Variants in PDE1B observed in about 807,000 individuals in gnomAD.
The protein encoded by PDE1B is dual specificity calcium/calmodulin-dependent 3',5'-cyclic nucleotide phosphodiesterase 1B.
In PDE1B, 13 loss-of-function variants were observed where a neutral mutation model predicts 66.7. That is an observed-to-expected ratio of 0.19 (90% CI 0.13 to 0.31). The LOEUF (loss-of-function observed/expected upper bound fraction) is 0.31, where lower values mean the gene tolerates loss of function less well. PDE1B is among the 10% of genes least tolerant of loss of function. The pLI, the probability that PDE1B is intolerant of heterozygous loss-of-function variation, is 1.00. For synonymous variants in PDE1B, 230 were observed against 253.9 expected (o/e 0.91, Z 0.90); for missense variants, 485 against 682.3 (o/e 0.71, Z 3.22).
At chr12:54,557,026 A>G (rs1051572712) in intron 2 of PDE1B, among the ~76,000 whole-genome samples, 1 of 151,986 alleles carries the variant, frequency 6.6e-6, no homozygotes, top group African/African-American at 2.4e-5. Flanking sequence ...GCTTGGCACC[A>G]TGTCCCTAGT....
At chr12:54,555,959 G>T (rs1380365725) in intron 2 of PDE1B, among the ~76,000 whole-genome samples, 1 of 152,130 alleles carries the variant, frequency 6.6e-6, no homozygotes, top group Non-Finnish European at 1.5e-5. Flanking sequence ...AGGGGTTGCT[G>T]TGGTGATGGT....
intron 2 of PDE1B, among the ~76,000 whole-genome samples, chr12:54,557,551 C>A (rs1317055084): frequency 6.6e-6 from 1 of 152,212 alleles, no homozygotes; most frequent in African/African-American, 2.4e-5. Flanking sequence ...AGAGGAGGAA[C>A]AGATCCCCAG....
chr12:54,550,630 C>A (rs1363684178), intron 2 of PDE1B, among the ~76,000 whole-genome samples: 1 of 151,862 alleles, frequency 6.6e-6, no homozygotes, highest in Non-Finnish European at 1.5e-5. Context: ...GGAGCCCCCA[C>A]CTGGAAGCTG....
At position 54,575,212 on chromosome 12, in the gene PDE1B, C is replaced by T; in HGVS notation, c.1179C>T (p.Phe393=). The T allele has an allele frequency of 6.2e-7, 1 of 1,613,406 alleles. No individual in the cohort carries two copies. Among genetic ancestry groups the T allele is most frequent in the South Asian group, 1.1e-5 (1 of 91,024 alleles). The change falls in exon 11 of 16, where the codon TTC becomes TTT. Residue 393 remains phenylalanine (F), a synonymous_variant. Coordinates refer to ENST00000243052, the MANE Select transcript of PDE1B (RefSeq NM_000924.4). This position sits in a 1 kb window ranked among gnomAD's most constrained non-coding sequence, Gnocchi z 4.0. The part of the protein sequence containing the change: ...RWTKALMEEF[F]RQGDKEAELG... ...CCAAGGCCCTCATGGAGGAATTCTT[C>T]CGTCAGGTAGCGTGGCATCTTTGCC...
Position 54,569,268 on chromosome 12 carries a change from C to T in PDE1B, c.312C>T (p.Thr104=). ...AGGTGCGGGACTGGCTGGCCTCCAC[C>T]TTCACCCAGCAGGCCCGGGCCAAAG... ...PSEVRDWLAS[T]FTQQARAKGR... is the part of the protein sequence containing the mutation. The change falls in exon 4 of 16, where the codon ACC becomes ACT. Residue 104 remains threonine, a synonymous_variant. Transcript: ENST00000243052. The surrounding 1 kb of genome is among the most constrained non-coding windows in gnomAD (Gnocchi z 4.4). 6.2e-7 allele frequency: 1 copy of T among 1,614,088 alleles called. No individual in the cohort carries two copies. Among genetic ancestry groups the T allele is most frequent in the Non-Finnish European group, 8.5e-7 (1 of 1,179,978 alleles).
intron 2 of PDE1B, among the ~76,000 whole-genome samples, chr12:54,552,507 T>C (rs555618296): frequency 6.6e-6 from 1 of 152,282 alleles, no homozygotes; most frequent in African/African-American, 2.4e-5. Flanking sequence ...AATCAGGACA[T>C]CCAGACTTTC....
rs1464899438 is a variant in PDE1B, at chr12:54,569,262, C to G, written c.306C>G (p.Ala102=). 1 of 1,613,930 alleles carries G rather than the reference C, an allele frequency of 6.2e-7. No individual in the cohort carries two copies. The highest frequency in any genetic ancestry group is 8.5e-7 in the Non-Finnish European group (1 of 1,179,988). The part of the protein sequence containing the change: ...AVPSEVRDWL[A]STFTQQARAK... ...CTTCGGAGGTGCGGGACTGGCTGGC[C>G]TCCACCTTCACCCAGCAGGCCCGGG... Residue 102 remains alanine (A), a synonymous_variant, in exon 4 of 16, where the codon GCC becomes GCG. Coordinates refer to ENST00000243052, the MANE Select transcript of PDE1B (RefSeq NM_000924.4). The surrounding 1 kb of genome is among the most constrained non-coding windows in gnomAD (Gnocchi z 4.4).
intron 2 of PDE1B, chr12:54,561,756 T>TTG (rs1354901820): frequency 2.2e-5 from 14 of 629,700 alleles, no homozygotes; most frequent in African/African-American, 1.9e-4. Context: ...CCCATATGTT[T>TTG]TGTGCGTGTG....
chr12:54,572,725 T>A lies in PDE1B; in HGVS notation c.719T>A (p.Leu240His), dbSNP rs1056545850. 1.9e-6 allele frequency: 3 copies of A among 1,614,190 alleles called. No homozygotes were observed. The highest frequency in any genetic ancestry group is 2.5e-6 in the Non-Finnish European group (3 of 1,180,016). ...ACCCAGACAGTCCATTGCTTCTTGC[T>A]CCGCACAGGGATGGTGGTAGGTGCC... ...DVTQTVHCFL[L>H]RTGMVHCLSE... Residue 240 changes from leucine (L) to histidine (H), a missense_variant, in exon 7 of 16, where the codon CTC (leucine) becomes CAC (histidine). Physicochemically the swap from Leu to His is moderately conservative, Grantham distance 99 (BLOSUM62 -3). This residue lies in a region of PDE1B where 282 missense variants were observed against 453.4 expected (regional missense o/e 0.62). Transcript: ENST00000243052.
At position 54,569,439 on chromosome 12, in the gene PDE1B, A is replaced by T; in HGVS notation, c.410+73A>T. 1 of 1,591,436 alleles carries T rather than the reference A, an allele frequency of 6.3e-7. No individual in the cohort carries two copies. On this transcript the variant is annotated intron_variant, in intron 4 of 15. Transcript: ENST00000243052. This position sits in a 1 kb window ranked among gnomAD's most constrained non-coding sequence, Gnocchi z 4.4. ...TCTTTCCCAGCCACCCTGGTCTTCC[A>T]TGACCACCAGCCATATGATCCCATG...
At chr12:54,570,203 G>C (rs1428600083) in intron 5 of PDE1B, 38 bp from the exon 6 acceptor site, 1 of 1,255,972 alleles carries the variant, frequency 8.0e-7, no homozygotes. Context: ...AACCCTTGCT[G>C]CTGCTGGAAA....
At position 54,549,839 on chromosome 12, in the gene PDE1B, TCTC is replaced by T. The variant is rs750356974; in HGVS notation, c.-13-15_-13-13del. ...GGGCTGAAGCTGAGCCGAGGTGCTG[TCTC>T]CTCCTTCTGTTCCGTAGACCGTGGC... On this transcript the variant is annotated intron_variant, in intron 1 of 15. Coordinates refer to ENST00000243052, the MANE Select transcript of PDE1B (RefSeq NM_000924.4). 76 of 1,536,724 alleles carry T rather than the reference TCTC, an allele frequency of 4.9e-5. No individual in the cohort carries two copies. Among genetic ancestry groups the T allele is most frequent in the Admixed American group, 3.7e-4 (22 of 59,306 alleles).
intron 14 of PDE1B, chr12:54,576,928 C>A (rs1957763862): frequency 1.6e-6 from 1 of 611,708 alleles, no homozygotes. Flanking sequence ...TATTCCACAA[C>A]CCAAGGGTCC....
chr12:54,563,646 T>A (rs999462636), intron 2 of PDE1B, among the ~76,000 whole-genome samples: 1 of 152,208 alleles, frequency 6.6e-6, no homozygotes, highest in Non-Finnish European at 1.5e-5. Flanking sequence ...TTGATGTTGA[T>A]CAGTCAATTC....
At chr12:54,560,711 C>T (rs1014017911) in intron 2 of PDE1B, among the ~76,000 whole-genome samples, 1 of 152,212 alleles carries the variant, frequency 6.6e-6, no homozygotes, top group Admixed American at 6.5e-5. Context: ...TCCTCAGACC[C>T]CTTCTGGGTG....
intron 2 of PDE1B, among the ~76,000 whole-genome samples, chr12:54,552,669 A>G (rs74553446): frequency 0.012 from 1,833 of 152,354 alleles, 52 homozygotes; most frequent in African/African-American, 0.042. Flanking sequence ...TCTAATCTGT[A>G]TCATATGAGC....
At chr12:54,554,048 T>C (rs1161731060) in intron 2 of PDE1B, among the ~76,000 whole-genome samples, 1 of 152,176 alleles carries the variant, frequency 6.6e-6, no homozygotes, top group Non-Finnish European at 1.5e-5. Flanking sequence ...TATGAGATGA[T>C]GTATGTGTGT....
At chr12:54,554,615 C>G (rs1362184617) in intron 2 of PDE1B, among the ~76,000 whole-genome samples, 1 of 152,044 alleles carries the variant, frequency 6.6e-6, no homozygotes, top group Non-Finnish European at 1.5e-5. Flanking sequence ...GGTAGGGGAT[C>G]AAATTCAGCC....
chr12:54,549,836 C>T, intron 1 of PDE1B, 24 bp from the exon 2 acceptor site: 1 of 1,511,498 alleles, frequency 6.6e-7, no homozygotes. Context: ...AGCCGAGGTG[C>T]TGTCTCCTCC....
Sources: gnomAD v4.1 joint callset for allele counts (sites outside exome capture counted in the v4.1 genomes callset) on GRCh38, gnomAD v4.1.1 for gene constraint, gnomAD v4.1.1 regional missense constraint, Gnocchi (gnomAD v3.1) non-coding constraint, MANE v1.5 for transcripts, NCBI Gene and HGNC (gene_info 2026-07-23, HGNC 2026-07-21) for gene names.